KDM4C: variants seen among roughly 807,000 people sequenced by gnomAD.
KDM4C encodes the protein lysine demethylase 4C.
In KDM4C, 81 loss-of-function variants were observed where a neutral mutation model predicts 129.3. The ratio of observed to expected loss-of-function variants is 0.63; its 90% CI spans 0.52 to 0.75. The LOEUF is 0.75. Among genes scored for constraint, KDM4C ranks in the 30% least tolerant of loss-of-function variants. KDM4C has a pLI of 0.00. For missense variants in KDM4C, 1,457 were observed against 1,304.0 expected (o/e 1.12, Z -1.81); for synonymous variants, 573 against 456.1 (o/e 1.26, Z -3.26).
At chr9:7,070,007 A>T (rs1161610093) in intron 17 of KDM4C, among the ~76,000 whole-genome samples, 1 of 152,228 alleles carries the variant, frequency 6.6e-6, no homozygotes, top group Non-Finnish European at 1.5e-5. Context: ...TAGTGGAGAT[A>T]AATGAAATAA....
At chr9:6,877,576 G>T (rs1043161763) in intron 5 of KDM4C, among the ~76,000 whole-genome samples, 4 of 152,134 alleles carry the variant, frequency 2.6e-5, no homozygotes, top group Non-Finnish European at 5.9e-5. Context: ...TGATCCCCTA[G>T]GGCTTTATTG....
At chr9:6,817,743 G>T (rs1339036257) in intron 4 of KDM4C, among the ~76,000 whole-genome samples, 1 of 150,164 alleles carries the variant, frequency 6.7e-6, no homozygotes, top group Non-Finnish European at 1.5e-5. Context: ...TTGCTCATAA[G>T]GTTATCAAAC....
At chr9:6,980,378 G>T (rs1347247640) in intron 8 of KDM4C, among the ~76,000 whole-genome samples, 1 of 152,100 alleles carries the variant, frequency 6.6e-6, no homozygotes, top group African/African-American at 2.4e-5. Flanking sequence ...TGATGGTATT[G>T]GATGTTGTAT....
rs1826227705 is a variant in KDM4C at position 6,942,953 on chromosome 9, C to T, written c.922-37972C>T. ...TGATCACGGCCCCTTGTAGCCCCAA[C>T]CTCCTGGTTTCAAATGACCCTCCCA... is the stretch of plus-strand genomic sequence containing the variant. On this transcript the variant is annotated intron_variant, in intron 8 of 21. Coordinates refer to ENST00000381309, the MANE Select transcript of KDM4C (RefSeq NM_015061.6). 2.0e-5 allele frequency among the ~76,000 whole-genome samples: 3 copies of T among 152,098 alleles called. No individual in the cohort carries two copies. The South Asian group carries it at 6.2e-4, about 32-fold the overall frequency.
chr9:6,840,637 C>T (rs4595179), intron 4 of KDM4C, among the ~76,000 whole-genome samples: 25,046 of 152,086 alleles, frequency 0.16, 2,281 homozygotes, highest in East Asian at 0.25. Context: ...CCTTGTGATC[C>T]GCCCCCACTT....
At chr9:6,932,266 C>G (rs946923) in intron 8 of KDM4C, among the ~76,000 whole-genome samples, 152,284 of 152,294 alleles carry the variant, frequency 1, 76,137 homozygotes, top group Non-Finnish European at 1. Flanking sequence ...AGAGGGAGGA[C>G]TGTGTGTAGC....
intron 19 of KDM4C, among the ~76,000 whole-genome samples, chr9:7,158,344 G>C (rs543629203): frequency 2.5e-4 from 37 of 149,944 alleles, no homozygotes; most frequent in South Asian, 8.4e-4. Flanking sequence ...AGGGTTTTTT[G>C]TGTCTCTATC....
chr9:6,948,670 G>C (rs963531457), intron 8 of KDM4C, among the ~76,000 whole-genome samples: 7 of 151,704 alleles, frequency 4.6e-5, no homozygotes, highest in African/African-American at 7.2e-5. Context: ...CTTGAGATTA[G>C]GGAGTGGTGA....
rs371679611 is a variant in KDM4C, at chr9:6,748,509, G to GA, written c.49+27527dup. On this transcript the variant is annotated intron_variant, in intron 1 of 17. Coordinates refer to the KDM4C transcript ENST00000536108. ...GCAACAAGAGTGAAACTCCGTCTCA[G>GA]AAAAAAAAAAAAAAAGATTTATTAT... 9.2e-3 allele frequency among the ~76,000 whole-genome samples: 1,088 copies of GA among 117,808 alleles called. 5 individuals carry two copies. The highest frequency in any genetic ancestry group is 0.059 in the Middle Eastern group (11 of 186). The allele number at this position is 117,808 out of a possible 152,430, so 77.3% of individuals were successfully genotyped here.
intron 8 of KDM4C, among the ~76,000 whole-genome samples, chr9:6,911,711 A>T (rs1819345470): frequency 6.6e-6 from 1 of 152,204 alleles, no homozygotes; most frequent in South Asian, 2.1e-4. Flanking sequence ...AACTTAATTA[A>T]ATTATTGTGG....
At chr9:7,108,898 T>C (rs1374701624) in intron 18 of KDM4C, among the ~76,000 whole-genome samples, 1 of 152,184 alleles carries the variant, frequency 6.6e-6, no homozygotes, top group Non-Finnish European at 1.5e-5. Flanking sequence ...GAGAAAATAC[T>C]TAATGAAAAA....
upstream of KDM4C, among the ~76,000 whole-genome samples, chr9:6,755,230 G>C (rs1388400980): frequency 1.3e-5 from 2 of 152,188 alleles, no homozygotes; most frequent in Non-Finnish European, 2.9e-5. Context: ...AATTAGCTAG[G>C]TGTGGTAGCA....
intron 1 of KDM4C, among the ~76,000 whole-genome samples, chr9:6,747,918 C>G (rs577829261): frequency 1.2e-3 from 187 of 152,326 alleles, no homozygotes; most frequent in Non-Finnish European, 2.1e-3. Flanking sequence ...TGGCTCACAC[C>G]TGTAATCCCA....
chr9:7,119,550 C>T (rs1245524253), intron 18 of KDM4C, among the ~76,000 whole-genome samples: 1 of 151,740 alleles, frequency 6.6e-6, no homozygotes, highest in Non-Finnish European at 1.5e-5. Flanking sequence ...AGTTGTTAGA[C>T]CTACCTTTAG....
At chr9:7,003,778 T>C (rs2132058523) in intron 12 of KDM4C, among the ~76,000 whole-genome samples, 1 of 152,228 alleles carries the variant, frequency 6.6e-6, no homozygotes, top group East Asian at 1.9e-4. Flanking sequence ...GCTTTATAAA[T>C]GTTTGAAGGT....
upstream of KDM4C, among the ~76,000 whole-genome samples, chr9:6,755,355 A>G (rs1818204663): frequency 1.3e-5 from 2 of 152,196 alleles, no homozygotes; most frequent in African/African-American, 4.8e-5. Context: ...TGGGCAACAG[A>G]GTGAGACTCT....
chr9:7,123,421 A>T (rs7042737), intron 18 of KDM4C, among the ~76,000 whole-genome samples: 126,976 of 152,162 alleles, frequency 0.83, 53,156 homozygotes, highest in Admixed American at 0.89. Context: ...ATAAATAGGG[A>T]TATCACTCTA....
intron 17 of KDM4C, among the ~76,000 whole-genome samples, chr9:7,102,206 A>T (rs1393502501): frequency 6.6e-6 from 1 of 152,178 alleles, no homozygotes; most frequent in African/African-American, 2.4e-5. Context: ...AGGAAATCAC[A>T]TAAGTACCTA....
chr9:6,812,709 G>C (rs944797164), intron 3 of KDM4C, among the ~76,000 whole-genome samples: 1 of 152,086 alleles, frequency 6.6e-6, no homozygotes, highest in African/African-American at 2.4e-5. Context: ...CTGGGGATTG[G>C]GGACCCATTC....
Sources: allele counts gnomAD v4.1 joint callset (sites outside exome capture counted in the v4.1 genomes callset), GRCh38; gene constraint gnomAD v4.1.1; transcripts MANE v1.5; gene names NCBI Gene and HGNC (gene_info 2026-07-23, HGNC 2026-07-21).